The following SRSF1 variants were observed in gnomAD, a reference collection of about 807,000 sequenced individuals.
SRSF1 encodes serine and arginine rich splicing factor 1, also known as serine/arginine-rich splicing factor 1.
Under a neutral mutation model 25.9 loss-of-function variants are expected in SRSF1, and 1 was observed. That is an observed-to-expected ratio of 0.04 (90% confidence interval 0.01 to 0.18). The LOEUF (loss-of-function observed/expected upper bound fraction) is 0.18, where lower values mean the gene tolerates loss of function less well. Among genes scored for constraint, SRSF1 ranks in the 10% least tolerant of loss-of-function variants. SRSF1 has a pLI of 1.00. For synonymous variants in SRSF1, 132 were observed against 126.2 expected (o/e 1.05, Z -0.31); for missense variants, 65 against 350.5 (o/e 0.19, Z 6.50).
chr17:57,997,843 G>A (rs1219378784), downstream of SRSF1, among the ~76,000 whole-genome samples: 1 of 152,176 alleles, frequency 6.6e-6, no homozygotes, highest in Non-Finnish European at 1.5e-5. Context: ...TATTTTTAGA[G>A]TACAAAGGAG....
chr17:58,007,181 A>C lies in SRSF1; in HGVS notation c.-44T>G, dbSNP rs1470128041. The C allele has an allele frequency of 6.2e-7, 1 of 1,607,534 alleles. No homozygotes were observed. The highest frequency in any genetic ancestry group is 1.3e-5 in the African/African-American group (1 of 74,862). ...GGACTCGAGAACAGGCCTTCCCACC[A>C]AGCCTAGCGCACGGCAGAGCGAGCC... is the stretch of plus-strand genomic sequence containing the variant. On this transcript the variant is annotated 5_prime_UTR_variant, in exon 1 of 4. Transcript: ENST00000258962.
downstream of SRSF1, among the ~76,000 whole-genome samples, chr17:57,999,940 G>A (rs940302978): frequency 2.6e-5 from 4 of 152,088 alleles, no homozygotes; most frequent in Non-Finnish European, 5.9e-5. Context: ...CGATGCTTGA[G>A]TATCAAGCTG....
chr17:57,999,762 A>C (rs2075378973), downstream of SRSF1, among the ~76,000 whole-genome samples: 1 of 152,062 alleles, frequency 6.6e-6, no homozygotes, highest in African/African-American at 2.4e-5. Context: ...ACAAACAAAC[A>C]AAAAAAATTA....
the SRSF1 span, among the ~76,000 whole-genome samples, chr17:57,995,848 G>A: frequency 1.3e-5 from 2 of 152,186 alleles, no homozygotes; most frequent in Admixed American, 1.3e-4. Flanking sequence ...ATTAAAATGA[G>A]CCACAGTATC....
At chr17:58,000,726 G>C (rs1471053307), downstream of SRSF1, among the ~76,000 whole-genome samples, 1 of 152,192 alleles carries the variant, frequency 6.6e-6, no homozygotes, top group Non-Finnish European at 1.5e-5. Context: ...TGCTAGTACA[G>C]TTCCTACAAT....
downstream of SRSF1, among the ~76,000 whole-genome samples, chr17:57,997,268 A>C (rs2075368931): frequency 1.3e-5 from 2 of 152,184 alleles, no homozygotes; most frequent in Non-Finnish European, 2.9e-5. Context: ...CATTTAGATT[A>C]ATTCAAATTT....
At chr17:58,000,667 T>G (rs1007818791), downstream of SRSF1, among the ~76,000 whole-genome samples, 1 of 152,086 alleles carries the variant, frequency 6.6e-6, no homozygotes, top group Non-Finnish European at 1.5e-5. Flanking sequence ...AATAACAGGT[T>G]TTTCAGTCAA....
intron 1 of SRSF1, 75 bp from the exon 2 acceptor site, chr17:58,006,602 C>A (rs1162116479): frequency 3.4e-6 from 5 of 1,478,132 alleles, no homozygotes; most frequent in Non-Finnish European, 4.5e-6. Flanking sequence ...ACCAGCAAAC[C>A]CCCCGCACAT....
At chr17:57,996,855 TC>T (rs2075367404), downstream of SRSF1, among the ~76,000 whole-genome samples, 1 of 152,152 alleles carries the variant, frequency 6.6e-6, no homozygotes, top group Non-Finnish European at 1.5e-5. Flanking sequence ...TGCTTAAGAC[TC>T]CCAACCCAAG....
the SRSF1 span, chr17:57,989,426 T>G: frequency 2.0e-5 from 8 of 397,754 alleles, no homozygotes; most frequent in Admixed American, 3.1e-4. Context: ...TTTAAGACTT[T>G]AACATTTTCC....
At chr17:58,006,853 C>T (rs1318913759) in intron 1 of SRSF1, 91 bp downstream of exon 1, 3 of 1,471,528 alleles carry the variant, frequency 2.0e-6, no homozygotes, top group East Asian at 4.5e-5. Context: ...CTAAGAGCCC[C>T]CGCTTCCCCG....
intron 1 of SRSF1, 94 bp downstream of exon 1, chr17:58,006,850 C>T: frequency 1.4e-6 from 2 of 1,439,730 alleles, no homozygotes; most frequent in Non-Finnish European, 1.9e-6. Context: ...TCTCTAAGAG[C>T]CCCCGCTTCC....
chr17:58,002,967 A>C lies in SRSF1; in HGVS notation c.*2439T>G, dbSNP rs956486138. On this transcript the variant is annotated 3_prime_UTR_variant, in exon 4 of 4. Coordinates refer to ENST00000258962, the MANE Select transcript of SRSF1 (RefSeq NM_006924.5). ...GTGGAGGTTGCAGTGAGCCTAGATC[A>C]CACCACTGCCCTCCAGTCTGGAGAA... 6.6e-6 allele frequency among the ~76,000 whole-genome samples: 1 copy of C among 152,212 alleles called. No homozygotes were observed. Among genetic ancestry groups the C allele is most frequent in the African/African-American group, 2.4e-5 (1 of 41,462 alleles).
rs2075395997 is a variant in SRSF1 at position 58,002,185 on chromosome 17, A to ATC, written c.*3219_*3220dup. ...AATTATTCAAATTTTTAAACAGTAA[A>ATC]TCTGCCTTTTGGCCATTACATTGAA... is the stretch of plus-strand genomic sequence containing the variant. On this transcript the variant is annotated 3_prime_UTR_variant, in exon 4 of 4. Coordinates refer to ENST00000258962, the MANE Select transcript of SRSF1 (RefSeq NM_006924.5). 6.6e-6 allele frequency among the ~76,000 whole-genome samples: 1 copy of ATC among 152,236 alleles called. No homozygotes were observed.
At position 58,003,002 on chromosome 17, in the gene SRSF1, ACT is replaced by A. The variant is rs779589105; in HGVS notation, c.*2402_*2403del. Reference sequence around the variant, plus strand: ...CCTCCAGTCTGGAGAACAGAGCGAGACTCTGTCTCAAAAACAAAAAACAGTTC... The same window carrying A: ...CCTCCAGTCTGGAGAACAGAGCGAGACTGTCTCAAAAACAAAAAACAGTTC... On this transcript the variant is annotated 3_prime_UTR_variant, in exon 4 of 4. Coordinates refer to ENST00000258962, the MANE Select transcript of SRSF1 (RefSeq NM_006924.5). Among the ~76,000 whole-genome samples the A allele has an allele frequency of 6.8e-4, 104 of 152,312 alleles. No homozygotes were observed. The highest frequency in any genetic ancestry group is 1.1e-3 in the Non-Finnish European group (78 of 68,018).
At chr17:57,999,085 TACTG>T (rs760544059), downstream of SRSF1, among the ~76,000 whole-genome samples, 66 of 152,298 alleles carry the variant, frequency 4.3e-4, no homozygotes, top group South Asian at 1.7e-3. Flanking sequence ...CTACTGTGTC[TACTG>T]ACTTTTTGAT....
At position 58,004,770 on chromosome 17, in the gene SRSF1, T is replaced by A; in HGVS notation, c.*636A>T. ...TATAATTTTGCCACAATTGCCAAGG[T>A]TTAAAAAGCAAAGCAATTGTAGCTA... On this transcript the variant is annotated 3_prime_UTR_variant, in exon 4 of 4. Coordinates refer to ENST00000258962, the MANE Select transcript of SRSF1 (RefSeq NM_006924.5). 2.6e-6 allele frequency: 1 copy of A among 391,374 alleles called. No individual in the cohort carries two copies. The highest frequency in any genetic ancestry group is 4.5e-6 in the Non-Finnish European group (1 of 221,726). 24.2% of individuals were successfully genotyped at this position (391,374 alleles called of 1,614,324 possible). A position where few individuals can be genotyped will look rare whatever the true frequency, so the allele number is the denominator to read the frequency against.
rs2075403098 is a variant in SRSF1, at chr17:58,003,043, CTGA to C, written c.*2360_*2362del. On this transcript the variant is annotated 3_prime_UTR_variant, in exon 4 of 4. Coordinates refer to ENST00000258962, the MANE Select transcript of SRSF1 (RefSeq NM_006924.5). ...AAAAAACAGTTCTAATACATCTGTG[CTGA>C]TGTTAACATTTAATACTTACCTTTT... is the stretch of plus-strand genomic sequence containing the variant. Among the ~76,000 whole-genome samples the C allele has an allele frequency of 2.0e-5, 3 of 152,180 alleles. No individual in the cohort carries two copies. Among genetic ancestry groups the C allele is most frequent in the Admixed American group, 2.0e-4 (3 of 15,262 alleles).
chr17:57,995,254 T>C, the SRSF1 span, among the ~76,000 whole-genome samples: 1 of 152,346 alleles, frequency 6.6e-6, no homozygotes, highest in East Asian at 1.9e-4. Flanking sequence ...CAAATTTAAG[T>C]GTATACTCAG....
Sources: gnomAD v4.1 joint callset for allele counts (sites outside exome capture counted in the v4.1 genomes callset) on GRCh38, gnomAD v4.1.1 for gene constraint, MANE v1.5 for transcripts, NCBI Gene and HGNC (gene_info 2026-07-23, HGNC 2026-07-21) for gene names.